Variants in N4BP1 observed in about 807,000 individuals in gnomAD.
N4BP1 encodes the protein NEDD4-binding protein 1.
A neutral mutation model predicts 70.9 loss-of-function variants in N4BP1; 21 were observed. The ratio of observed to expected loss-of-function variants is 0.30; its 90% confidence interval spans 0.21 to 0.43. N4BP1 has a LOEUF of 0.43. Among genes scored for constraint, N4BP1 ranks in the 20% least tolerant of loss-of-function variants. The pLI is 1.00. For missense variants in N4BP1, 936 were observed against 1,069.4 expected (o/e 0.88, Z 1.74); for synonymous variants, 387 against 394.6 (o/e 0.98, Z 0.23).
At chr16:48,548,373 C>T (rs1441161278) in intron 4 of N4BP1, among the ~76,000 whole-genome samples, 2 of 152,096 alleles carry the variant, frequency 1.3e-5, no homozygotes, top group Admixed American at 6.5e-5. Context: ...ATAATTTATT[C>T]AAAAGTTGTA....
intron 1 of N4BP1, among the ~76,000 whole-genome samples, chr16:48,608,129 TTTC>T (rs1317479008): frequency 6.6e-6 from 1 of 152,188 alleles, no homozygotes; most frequent in Non-Finnish European, 1.5e-5. Flanking sequence ...ACATACATCC[TTTC>T]TTTCTGACAT....
chr16:48,571,329 T>TA (rs1964018022), intron 1 of N4BP1, among the ~76,000 whole-genome samples: 1 of 152,132 alleles, frequency 6.6e-6, no homozygotes, highest in Non-Finnish European at 1.5e-5. Context: ...TCAAAACAAA[T>TA]GCTCCCTCAA....
chr16:48,582,969 C>T (rs2151096339), intron 1 of N4BP1, among the ~76,000 whole-genome samples: 1 of 152,178 alleles, frequency 6.6e-6, no homozygotes, highest in African/African-American at 2.4e-5. Context: ...GCCTGTGGTC[C>T]CATCTACTCA....
chr16:48,583,552 G>A (rs1284810572), intron 1 of N4BP1, among the ~76,000 whole-genome samples: 1 of 152,124 alleles, frequency 6.6e-6, no homozygotes. Flanking sequence ...ATAGATATGT[G>A]TCCTCACCAC....
In N4BP1 at chr16:48,604,840, G is replaced by C. The variant is rs568037007; in HGVS notation, c.198+4935C>G. On this transcript the variant is annotated intron_variant, in intron 1 of 6. Transcript: ENST00000262384. ...ATTCCTTGCTTCTCTTAGATAATAA[G>C]ACTGGACATCACTGAGCCCTACCAT... 2.0e-5 allele frequency among the ~76,000 whole-genome samples: 3 copies of C among 152,114 alleles called. No homozygotes were observed. In the South Asian group the frequency reaches 6.2e-4, roughly 32 times the overall value.
chr16:48,604,784 T>C (rs1314194537), intron 1 of N4BP1, among the ~76,000 whole-genome samples: 1 of 152,188 alleles, frequency 6.6e-6, no homozygotes, highest in Non-Finnish European at 1.5e-5. Flanking sequence ...AGTGACCACT[T>C]AAATACAATA....
chr16:48,584,317 A>C (rs1964213081), intron 1 of N4BP1, among the ~76,000 whole-genome samples: 1 of 152,190 alleles, frequency 6.6e-6, no homozygotes, highest in Admixed American at 6.5e-5. Context: ...GTCTTTTTGA[A>C]ATCTGGACCA....
rs551592149 is a variant in N4BP1, at chr16:48,562,577, G to A, written c.199-133C>T. 7 of 763,090 alleles carry A rather than the reference G, an allele frequency of 9.2e-6. No homozygotes were observed. The East Asian group carries it at 1.1e-4, about 12-fold the overall frequency. 47.3% of individuals were successfully genotyped at this position (763,090 alleles called of 1,614,324 possible). On this transcript the variant is annotated intron_variant, in intron 1 of 6. Coordinates refer to ENST00000262384, the MANE Select transcript of N4BP1 (RefSeq NM_153029.4). ...GCATGTTTGTAATTTTGAACAAAAT[G>A]TCATGTTTTAAATAAAACATTGAAA...
At position 48,573,967 on chromosome 16, in the gene N4BP1, T is replaced by C. The variant is rs559814524; in HGVS notation, c.199-11523A>G. The stretch of plus-strand genomic sequence containing the variant: ...TTGAATAAGCTGAGGAGGAGGGGGA[T>C]TGGTCTTGCTATTTCAGAGGTGGAA... On this transcript the variant is annotated intron_variant, in intron 1 of 6. Coordinates refer to ENST00000262384, the MANE Select transcript of N4BP1 (RefSeq NM_153029.4). 2.0e-5 allele frequency among the ~76,000 whole-genome samples: 3 copies of C among 152,292 alleles called. No individual in the cohort carries two copies. In the East Asian group the frequency reaches 5.8e-4, roughly 29 times the overall value.
At chr16:48,599,387 C>T (rs912849728) in intron 1 of N4BP1, among the ~76,000 whole-genome samples, 2 of 152,210 alleles carry the variant, frequency 1.3e-5, no homozygotes, top group African/African-American at 2.4e-5. Context: ...AAGAGGAAAA[C>T]TCCCACACAT....
chr16:48,590,455 T>C (rs1964318866), intron 1 of N4BP1, among the ~76,000 whole-genome samples: 1 of 152,172 alleles, frequency 6.6e-6, no homozygotes, highest in African/African-American at 2.4e-5. Flanking sequence ...TGGCTCTGTC[T>C]AGGCAGAGGG....
chr16:48,607,100 G>A (rs545590912), intron 1 of N4BP1, among the ~76,000 whole-genome samples: 1 of 152,244 alleles, frequency 6.6e-6, no homozygotes, highest in Admixed American at 6.5e-5. Flanking sequence ...TTACAAGTGG[G>A]AGGGTTGACT....
chr16:48,545,583 AAAAT>A (rs796466152), intron 6 of N4BP1, among the ~76,000 whole-genome samples: 92 of 151,652 alleles, frequency 6.1e-4, no homozygotes, highest in African/African-American at 2.0e-3. Flanking sequence ...CATCTCAAAA[AAAAT>A]AAATCAATAA....
At chr16:48,586,473 C>T (rs1365144652) in intron 1 of N4BP1, among the ~76,000 whole-genome samples, 1 of 151,356 alleles carries the variant, frequency 6.6e-6, no homozygotes, top group African/African-American at 2.4e-5. Flanking sequence ...ATTTTTTTTT[C>T]ACCGTAACTA....
intron 1 of N4BP1, among the ~76,000 whole-genome samples, chr16:48,569,135 T>C (rs555154120): frequency 6.6e-6 from 1 of 152,366 alleles, no homozygotes; most frequent in South Asian, 2.1e-4. Flanking sequence ...GCAACATCTA[T>C]GTCATCTCAG....
intron 1 of N4BP1, among the ~76,000 whole-genome samples, chr16:48,604,167 T>C (rs1964542278): frequency 1.3e-5 from 2 of 152,232 alleles, no homozygotes; most frequent in South Asian, 4.1e-4. Context: ...CATCCCACTA[T>C]TTTGGAGCTC....
intron 4 of N4BP1, among the ~76,000 whole-genome samples, chr16:48,550,025 T>A (rs907540707): frequency 6.6e-6 from 1 of 152,226 alleles, no homozygotes; most frequent in East Asian, 1.9e-4. Flanking sequence ...AGGAGGATTT[T>A]AAAAACTGGT....
At chr16:48,579,709 G>A (rs536099784) in intron 1 of N4BP1, among the ~76,000 whole-genome samples, 1 of 151,742 alleles carries the variant, frequency 6.6e-6, no homozygotes, top group South Asian at 2.1e-4. Context: ...AGTATATGCT[G>A]CCTGCAAGAG....
Position 48,575,750 on chromosome 16 carries a change from G to A in N4BP1, c.199-13306C>T, listed in dbSNP as rs1433455173. ...ACTGAGTGCTACCTGAAGAGCACACGAGAGCAAATGGCAATGGACAAACAG... is the reference window on the plus strand; with the variant it reads ...ACTGAGTGCTACCTGAAGAGCACACAAGAGCAAATGGCAATGGACAAACAG... On this transcript the variant is annotated intron_variant, in intron 1 of 6. Coordinates refer to ENST00000262384, the MANE Select transcript of N4BP1 (RefSeq NM_153029.4). Among the ~76,000 whole-genome samples the A allele has an allele frequency of 3.9e-5, 6 of 152,296 alleles. No individual in the cohort carries two copies. The East Asian group carries it at 9.6e-4, about 24-fold the overall frequency.
Sources: gnomAD v4.1 joint callset for allele counts (sites outside exome capture counted in the v4.1 genomes callset) on GRCh38, gnomAD v4.1.1 for gene constraint, MANE v1.5 for transcripts, NCBI Gene and HGNC (gene_info 2026-07-23, HGNC 2026-07-21) for gene names.